Variants in UBXN2A observed in about 807,000 individuals in gnomAD.
UBXN2A encodes UBX domain protein 2A, also known as UBX domain-containing protein 2A.
UBXN2A carries 28 observed loss-of-function variants against 28.4 expected under a neutral mutation model. That is an observed-to-expected ratio of 0.99 (90% CI 0.73 to 1.35). The LOEUF (loss-of-function observed/expected upper bound fraction) is 1.35, where lower values mean the gene tolerates loss of function less well. UBXN2A is among the 40% of genes most tolerant of loss of function. UBXN2A has a pLI of 0.00. For synonymous variants in UBXN2A, 97 were observed against 103.6 expected (o/e 0.94, Z 0.39); for missense variants, 253 against 297.9 (o/e 0.85, Z 1.11).
intron 2 of UBXN2A, among the ~76,000 whole-genome samples, chr2:23,965,123 C>T (rs371597868): frequency 6.6e-6 from 1 of 152,160 alleles, no homozygotes; most frequent in Non-Finnish European, 1.5e-5. Flanking sequence ...TCAAGGGGTC[C>T]TCCCACCTCC....
chr2:23,997,408 C>G (rs1285075873), intron 6 of UBXN2A, among the ~76,000 whole-genome samples: 1 of 152,140 alleles, frequency 6.6e-6, no homozygotes, highest in Admixed American at 6.6e-5. Flanking sequence ...TCTTATATCT[C>G]TGGATTTAAG....
At chr2:23,952,634 C>T (rs905769805) in intron 1 of UBXN2A, among the ~76,000 whole-genome samples, 3 of 149,804 alleles carry the variant, frequency 2.0e-5, no homozygotes, top group Admixed American at 6.7e-5. Flanking sequence ...TTAGTAGAGA[C>T]GGGTTTCACC....
At chr2:23,949,119 T>C (rs1027153796) in intron 1 of UBXN2A, among the ~76,000 whole-genome samples, 10 of 147,286 alleles carry the variant, frequency 6.8e-5, no homozygotes, top group African/African-American at 2.5e-4. Context: ...TTTTTTTCTT[T>C]TTTTTTTTTT....
intron 1 of UBXN2A, among the ~76,000 whole-genome samples, chr2:23,929,148 G>T (rs888206784): frequency 6.6e-6 from 1 of 151,952 alleles, no homozygotes; most frequent in African/African-American, 2.4e-5. Context: ...AGAGAGACAG[G>T]GTCTCACTCT....
At chr2:23,935,916 T>C (rs1705511621), upstream of UBXN2A, among the ~76,000 whole-genome samples, 2 of 151,890 alleles carry the variant, frequency 1.3e-5, no homozygotes, top group Non-Finnish European at 2.9e-5. Flanking sequence ...TGGGCATGGT[T>C]GGGGGGCACC....
chr2:23,973,282 G>T (rs538239464), intron 3 of UBXN2A, among the ~76,000 whole-genome samples: 141 of 151,532 alleles, frequency 9.3e-4, no homozygotes, highest in African/African-American at 3.4e-3. Flanking sequence ...GCCTCCCAAA[G>T]TTCTGGGATT....
chr2:23,944,855 A>G (rs1705975229), intron 1 of UBXN2A, among the ~76,000 whole-genome samples: 2 of 152,204 alleles, frequency 1.3e-5, no homozygotes, highest in South Asian at 4.1e-4. Flanking sequence ...AGTGGAGCAG[A>G]ATTAGTCTGT....
chr2:23,998,144 A>T (rs1359548988), intron 6 of UBXN2A, among the ~76,000 whole-genome samples: 1 of 152,214 alleles, frequency 6.6e-6, no homozygotes, highest in Non-Finnish European at 1.5e-5. Flanking sequence ...ATACATAAAT[A>T]TAGAATATCT....
intron 1 of UBXN2A, among the ~76,000 whole-genome samples, chr2:23,957,379 T>G (rs1278852004): frequency 6.6e-6 from 1 of 152,146 alleles, no homozygotes; most frequent in African/African-American, 2.4e-5. Context: ...TTCAGCACAC[T>G]GCAACCTCTG....
At chr2:23,938,457 A>G (rs1472592072), upstream of UBXN2A, among the ~76,000 whole-genome samples, 1 of 151,442 alleles carries the variant, frequency 6.6e-6, no homozygotes, top group African/African-American at 2.4e-5. Flanking sequence ...CAAGAGCAAA[A>G]CTCCATCTCA....
chr2:23,971,459 AATAT>A, intron 3 of UBXN2A, 45 bp downstream of exon 3: 2 of 1,482,598 alleles, frequency 1.3e-6, no homozygotes, highest in Non-Finnish European at 1.8e-6. Flanking sequence ...AGTGTTTCTC[AATAT>A]ATGGACCTGT....
exon 1 of UBXN2A, chr2:23,927,494 C>G (rs1199534396): frequency 3.3e-5 from 5 of 152,922 alleles, no homozygotes; most frequent in Non-Finnish European, 7.3e-5. Flanking sequence ...GAGGAGCTGA[C>G]TGGGAATCCC....
intron 3 of UBXN2A, among the ~76,000 whole-genome samples, chr2:23,976,522 T>C (rs1707669443): frequency 6.6e-6 from 1 of 152,136 alleles, no homozygotes; most frequent in Non-Finnish European, 1.5e-5. Context: ...GGAGGTCTCA[T>C]AATCATGGCA....
intron 3 of UBXN2A, among the ~76,000 whole-genome samples, chr2:23,975,695 G>C (rs1407317732): frequency 6.6e-6 from 1 of 152,084 alleles, no homozygotes; most frequent in Non-Finnish European, 1.5e-5. Flanking sequence ...CTGGAGTGCA[G>C]TGGTGCGATC....
At chr2:23,977,355 G>T (rs1219406384) in intron 4 of UBXN2A, 2 of 163,712 alleles carry the variant, frequency 1.2e-5, no homozygotes, top group Non-Finnish European at 2.6e-5. Flanking sequence ...GGTCGGGGGG[G>T]TGGGGGTGGG....
chr2:23,952,610 A>G (rs1021968829), intron 1 of UBXN2A, among the ~76,000 whole-genome samples: 2 of 151,660 alleles, frequency 1.3e-5, no homozygotes, highest in East Asian at 1.9e-4. Context: ...ACGCCTGGCT[A>G]ATTTTTTGTG....
At chr2:23,978,291 G>A (rs1332278108) in intron 4 of UBXN2A, among the ~76,000 whole-genome samples, 1 of 152,006 alleles carries the variant, frequency 6.6e-6, no homozygotes, top group Non-Finnish European at 1.5e-5. Flanking sequence ...AATGGTCATG[G>A]TAGAAGTCTC....
At chr2:23,993,921 CT>C (rs1344910466) in intron 6 of UBXN2A, among the ~76,000 whole-genome samples, 1 of 152,110 alleles carries the variant, frequency 6.6e-6, no homozygotes, top group Non-Finnish European at 1.5e-5. Context: ...AACTCCTGAC[CT>C]TGTGGTCCGC....
At chr2:23,962,175 T>C (rs1350136824) in intron 2 of UBXN2A, among the ~76,000 whole-genome samples, 3 of 152,138 alleles carry the variant, frequency 2.0e-5, no homozygotes, top group African/African-American at 7.2e-5. Context: ...GTATCAGTTG[T>C]TCAAAGGTTA....
Sources: allele counts gnomAD v4.1 joint callset (sites outside exome capture counted in the v4.1 genomes callset), GRCh38; gene constraint gnomAD v4.1.1; transcripts MANE v1.5; gene names NCBI Gene and HGNC (gene_info 2026-07-23, HGNC 2026-07-21).